The following GPC5 variants were observed in gnomAD, a reference collection of about 807,000 sequenced individuals.
The protein encoded by GPC5 is glypican-5.
In GPC5, 47 loss-of-function variants were observed where a neutral mutation model predicts 53.9. The ratio of observed to expected loss-of-function variants is 0.87; its 90% CI spans 0.69 to 1.11. The LOEUF (loss-of-function observed/expected upper bound fraction) is 1.11, where lower values mean the gene tolerates loss of function less well. Ranked by LOEUF, GPC5 falls within the 50% of genes most tolerant of loss-of-function variation. GPC5 has a pLI of 0.00. For missense variants in GPC5, 748 were observed against 713.1 expected, an observed-to-expected ratio of 1.05 and a Z score of -0.56; for synonymous variants, 286 against 263.3, an observed-to-expected ratio of 1.09 and a Z score of -0.84.
At chr13:91,455,999 T>C (rs1359222) in intron 2 of GPC5, among the ~76,000 whole-genome samples, 70,944 of 151,934 alleles carry the variant, frequency 0.47, 17,067 homozygotes, top group Middle Eastern at 0.56. Flanking sequence ...CCCTCCAACA[T>C]CAATCCATGA....
At chr13:92,361,174 C>T (rs535760898) in intron 7 of GPC5, among the ~76,000 whole-genome samples, 3 of 151,638 alleles carry the variant, frequency 2.0e-5, no homozygotes, top group East Asian at 3.9e-4. Flanking sequence ...ATAATGGTTG[C>T]TAATTCAAAT....
At chr13:91,731,099 C>T (rs2036687571) in intron 4 of GPC5, among the ~76,000 whole-genome samples, 1 of 152,196 alleles carries the variant, frequency 6.6e-6, no homozygotes, top group African/African-American at 2.4e-5. Flanking sequence ...TGAAGGGGTC[C>T]TTGCCAGCTA....
At chr13:92,219,510 A>T (rs546063431) in intron 7 of GPC5, among the ~76,000 whole-genome samples, 60 of 152,200 alleles carry the variant, frequency 3.9e-4, no homozygotes, top group Non-Finnish European at 7.5e-4. Context: ...TACTTTCCAC[A>T]CCCAAGTAAC....
chr13:91,531,169 A>G (rs887022865), intron 2 of GPC5, among the ~76,000 whole-genome samples: 5 of 152,194 alleles, frequency 3.3e-5, no homozygotes, highest in Admixed American at 3.3e-4. Flanking sequence ...TAATGATTTG[A>G]TTTAGAGCTT....
chr13:91,738,666 G>C (rs979593585), intron 4 of GPC5, among the ~76,000 whole-genome samples: 3 of 150,322 alleles, frequency 2.0e-5, no homozygotes, highest in African/African-American at 7.5e-5. Context: ...TTTTAAATTT[G>C]TATTTCTTTA....
At chr13:91,909,710 C>T (rs918761892) in intron 6 of GPC5, among the ~76,000 whole-genome samples, 5 of 151,978 alleles carry the variant, frequency 3.3e-5, no homozygotes, top group African/African-American at 1.2e-4. Context: ...ATAAGAAGTG[C>T]ACAGTTATAA....
chr13:92,121,848 T>C (rs1201120914), intron 6 of GPC5, among the ~76,000 whole-genome samples: 1 of 152,212 alleles, frequency 6.6e-6, no homozygotes, highest in Non-Finnish European at 1.5e-5. Context: ...CTGAAAAGAT[T>C]GCTGAAATGT....
At chr13:92,340,973 T>C (rs2043361467) in intron 7 of GPC5, among the ~76,000 whole-genome samples, 1 of 152,178 alleles carries the variant, frequency 6.6e-6, no homozygotes, top group Non-Finnish European at 1.5e-5. Flanking sequence ...GAGTTCTCTT[T>C]AACACGTGGT....
At chr13:92,459,163 T>C (rs1413772757) in intron 7 of GPC5, among the ~76,000 whole-genome samples, 1 of 152,160 alleles carries the variant, frequency 6.6e-6, no homozygotes, top group Non-Finnish European at 1.5e-5. Context: ...TCTCCACATC[T>C]TATTGAAAAT....
At chr13:91,824,687 G>A (rs912529570) in intron 5 of GPC5, among the ~76,000 whole-genome samples, 4 of 151,466 alleles carry the variant, frequency 2.6e-5, no homozygotes, top group Admixed American at 6.6e-5. Flanking sequence ...TCCAATAAAT[G>A]TTTCTTTGTC....
chr13:91,851,096 G>A (rs1251076505), intron 5 of GPC5, among the ~76,000 whole-genome samples: 1 of 152,130 alleles, frequency 6.6e-6, no homozygotes, highest in Non-Finnish European at 1.5e-5. Context: ...CGAGGCTTGA[G>A]CAATCAGAGA....
chr13:92,307,108 T>A (rs894046484), intron 7 of GPC5, among the ~76,000 whole-genome samples: 1 of 152,248 alleles, frequency 6.6e-6, no homozygotes, highest in African/African-American at 2.4e-5. Context: ...AAATTTAACT[T>A]TCATTGTGCC....
chr13:92,786,629 G>A (rs1405879551), intron 7 of GPC5, among the ~76,000 whole-genome samples: 1 of 152,072 alleles, frequency 6.6e-6, no homozygotes, highest in Non-Finnish European at 1.5e-5. Flanking sequence ...GTCATGCTTT[G>A]AACTTCCCCA....
intron 7 of GPC5, among the ~76,000 whole-genome samples, chr13:92,204,569 C>G (rs1388974643): frequency 1.3e-5 from 2 of 152,180 alleles, no homozygotes; most frequent in East Asian, 3.9e-4. Flanking sequence ...TTGACACCAA[C>G]TGCAAGTTTT....
At chr13:91,548,119 C>T (rs943385619) in intron 2 of GPC5, among the ~76,000 whole-genome samples, 1 of 152,006 alleles carries the variant, frequency 6.6e-6, no homozygotes, top group African/African-American at 2.4e-5. Context: ...ATAGCTAAGG[C>T]AATAATACAA....
intron 7 of GPC5, among the ~76,000 whole-genome samples, chr13:92,186,854 G>C (rs1269490928): frequency 6.6e-6 from 1 of 152,180 alleles, no homozygotes; most frequent in African/African-American, 2.4e-5. Context: ...GCTCATGCCT[G>C]TAATCCCAGC....
At chr13:91,461,207 C>T (rs564452382) in intron 2 of GPC5, among the ~76,000 whole-genome samples, 1 of 152,084 alleles carries the variant, frequency 6.6e-6, no homozygotes, top group South Asian at 2.1e-4. Flanking sequence ...TTTTCTTGTA[C>T]TCTTTATTTG....
At chr13:91,657,660 G>A (rs1198479745) in intron 2 of GPC5, among the ~76,000 whole-genome samples, 2 of 152,082 alleles carry the variant, frequency 1.3e-5, no homozygotes, top group Admixed American at 6.6e-5. Context: ...CTAAACTCAA[G>A]TTTGGACATT....
At position 91,487,929 on chromosome 13, in the gene GPC5, G is replaced by GTTTT. The variant is rs10684260; in HGVS notation, c.325+39018_325+39021dup. On this transcript the variant is annotated intron_variant, in intron 2 of 7. Coordinates refer to ENST00000377067, the MANE Select transcript of GPC5 (RefSeq NM_004466.6). ...ATTTGAACACTGGACATTTAAACAG[G>GTTTT]TTTTTTTTTTTTTTACGGGGATACT... is the stretch of plus-strand genomic sequence containing the variant. Among the ~76,000 whole-genome samples the GTTTT allele has an allele frequency of 8.2e-5, 12 of 147,026 alleles. No homozygotes were observed. In the South Asian group the frequency reaches 1.1e-3, roughly 13 times the overall value.
Sources: allele counts gnomAD v4.1 joint callset (sites outside exome capture counted in the v4.1 genomes callset), GRCh38; gene constraint gnomAD v4.1.1; transcripts MANE v1.5; gene names NCBI Gene and HGNC (gene_info 2026-07-23, HGNC 2026-07-21).